The following LRPPRC variants were observed in gnomAD, a reference collection of about 807,000 sequenced individuals.
The protein encoded by LRPPRC is leucine rich pentatricopeptide repeat containing.
LRPPRC carries 120 observed loss-of-function variants against 180.3 expected under a neutral mutation model. The ratio of observed to expected loss-of-function variants is 0.67; its 90% CI spans 0.57 to 0.77. The LOEUF (loss-of-function observed/expected upper bound fraction) is 0.77, where lower values mean the gene tolerates loss of function less well. LRPPRC is among the 30% of genes least tolerant of loss of function. The pLI is 0.00. For synonymous variants in LRPPRC, 723 were observed against 600.0 expected (o/e 1.21, Z -3.00); for missense variants, 2,012 against 1,657.2 (o/e 1.21, Z -3.72).
rs58376536 is a variant in LRPPRC at position 43,969,409 on chromosome 2, C to CA, written c.1369+4197dup. On this transcript the variant is annotated intron_variant, in intron 11 of 37. Transcript: ENST00000260665. ...TGGGCGACAGAGCGAGACTCCATCT[C>CA]AAAAAAAAAAAAAAAGAAACCAAGT... Among the ~76,000 whole-genome samples the CA allele has an allele frequency of 7.9e-3, 893 of 112,988 alleles. 9 individuals carry two copies. Among genetic ancestry groups the CA allele is most frequent in the East Asian group, 0.02 (66 of 3,356 alleles). The allele number at this position is 112,988 out of a possible 152,430, so 74.1% of individuals were successfully genotyped here.
intron 25 of LRPPRC, among the ~76,000 whole-genome samples, chr2:43,926,810 A>G (rs561887317): frequency 6.6e-6 from 1 of 152,376 alleles, no homozygotes; most frequent in African/African-American, 2.4e-5. Context: ...CGTTTTTAAA[A>G]GAAAATGCTT....
At position 43,948,507 on chromosome 2, in the gene LRPPRC, A is replaced by T; in HGVS notation, c.1747T>A (p.Tyr583Asn). Residue 583 changes from tyrosine to asparagine, a missense_variant, in exon 17 of 38, where the codon TAT becomes AAT. Coordinates refer to ENST00000260665, the MANE Select transcript of LRPPRC (RefSeq NM_133259.4). ...EPRGPTEAVGYFLYNLIDSMS... is the reference protein window; with the variant it reads ...EPRGPTEAVGNFLYNLIDSMS... Reference sequence around the variant, plus strand: ...CTGTCAATCAAGTTATAAAGAAAATAGCCAACAGCTTCTGTGGAAAAAAAC... The same window carrying T: ...CTGTCAATCAAGTTATAAAGAAAATTGCCAACAGCTTCTGTGGAAAAAAAC... The T allele has an allele frequency of 6.4e-7, 1 of 1,569,440 alleles. No homozygotes were observed. The highest frequency in any genetic ancestry group is 8.8e-7 in the Non-Finnish European group (1 of 1,139,224).
rs1189909792 is a variant in LRPPRC at position 43,892,939 on chromosome 2, A to T, written c.3985+1606T>A. 5 of 152,244 alleles carry T rather than the reference A, an allele frequency of 3.3e-5. No homozygotes were observed. The South Asian group carries it at 6.2e-4, about 19-fold the overall frequency. The allele number at this position is 152,244 out of a possible 1,614,324, so 9.4% of individuals were successfully genotyped here. A position where few individuals can be genotyped will look rare whatever the true frequency, so the allele number is the denominator to read the frequency against. ...TCTAGATGCCATTAAGAACATCTGT[A>T]ATTGATAGGAGGTCAAATTATCAAC... On this transcript the variant is annotated intron_variant, in intron 36 of 37. Coordinates refer to ENST00000260665, the MANE Select transcript of LRPPRC (RefSeq NM_133259.4).
chr2:43,960,453 TG>T (rs1673297861), intron 13 of LRPPRC, 87 bp downstream of exon 13: 5 of 793,192 alleles, frequency 6.3e-6, no homozygotes, highest in Admixed American at 1.7e-5. Flanking sequence ...AAACCTTCCT[TG>T]CTTTCATTGC....
At chr2:43,974,084 T>C in intron 9 of LRPPRC, 66 bp downstream of exon 9, 1 of 1,456,736 alleles carries the variant, frequency 6.9e-7, no homozygotes, top group South Asian at 1.1e-5. Context: ...TAAATGTTCC[T>C]ATACTTTAAA....
At chr2:43,968,378 G>C (rs1345387324) in intron 11 of LRPPRC, among the ~76,000 whole-genome samples, 1 of 152,176 alleles carries the variant, frequency 6.6e-6, no homozygotes, top group Non-Finnish European at 1.5e-5. Flanking sequence ...TATGCCTATT[G>C]AATAGATGGA....
At chr2:43,966,830 C>A (rs925852646) in intron 11 of LRPPRC, among the ~76,000 whole-genome samples, 1 of 151,254 alleles carries the variant, frequency 6.6e-6, no homozygotes, top group Non-Finnish European at 1.5e-5. Flanking sequence ...GCTGGTGGAT[C>A]ACCTGAAGTC....
At chr2:43,903,875 G>A (rs775447646) in intron 31 of LRPPRC, 1 of 152,114 alleles carries the variant, frequency 6.6e-6, no homozygotes, top group African/African-American at 2.4e-5. Context: ...TATATGGCGA[G>A]CAAGTTTAAC....
Position 43,887,654 on chromosome 2 carries a change from AC to A in LRPPRC, c.*945del, listed in dbSNP as rs1670315535. ...GGTCAATATTCCATATTATTAAGAC[AC>A]CTTTTATAATGGCAAACTCTCCTGA... On this transcript the variant is annotated 3_prime_UTR_variant, in exon 38 of 38. Transcript: ENST00000260665. The A allele has an allele frequency of 6.6e-6, 1 of 152,196 alleles. No homozygotes were observed. Among genetic ancestry groups the A allele is most frequent in the South Asian group, 2.1e-4 (1 of 4,826 alleles). 9.4% of individuals were successfully genotyped at this position (152,196 alleles called of 1,614,324 possible).
intron 23 of LRPPRC, 74 bp downstream of exon 23, chr2:43,943,613 A>C: frequency 8.0e-7 from 1 of 1,247,942 alleles, no homozygotes; most frequent in Non-Finnish European, 1.2e-6. Context: ...GGGTATTTAT[A>C]AAGTATAATC....
chr2:43,976,678 A>G (rs1674069308), intron 5 of LRPPRC, among the ~76,000 whole-genome samples: 1 of 151,802 alleles, frequency 6.6e-6, no homozygotes, highest in African/African-American at 2.4e-5. Context: ...TACAGCTTAA[A>G]TGGTTAAGAA....
intron 28 of LRPPRC, 39 bp from the exon 29 acceptor site, chr2:43,918,172 A>G (rs768967449): frequency 6.3e-7 from 1 of 1,596,470 alleles, no homozygotes; most frequent in Non-Finnish European, 8.6e-7. Context: ...AAAACTGGTA[A>G]TCTTTTCAAT....
intron 30 of LRPPRC, among the ~76,000 whole-genome samples, chr2:43,908,672 C>T (rs1052702891): frequency 6.6e-6 from 1 of 151,966 alleles, no homozygotes; most frequent in Non-Finnish European, 1.5e-5. Flanking sequence ...CATACAGGCA[C>T]GCACCACCAC....
chr2:43,957,557 T>C (rs1673172452), intron 13 of LRPPRC, 106 bp from the exon 14 acceptor site: 3 of 811,434 alleles, frequency 3.7e-6, no homozygotes, highest in East Asian at 2.6e-5. Flanking sequence ...AGTTTTCATT[T>C]TGGAAATTGT....
At chr2:43,974,966 T>TA in intron 7 of LRPPRC, 125 bp downstream of exon 7, 1 of 1,052,790 alleles carries the variant, frequency 9.5e-7, no homozygotes, top group South Asian at 1.3e-5. Context: ...TCTCCATAAA[T>TA]ACTACTTTCT....
At position 43,925,937 on chromosome 2, in the gene LRPPRC, C is replaced by A. The variant is rs775312269; in HGVS notation, c.2761G>T (p.Ala921Ser). 136 of 1,611,812 alleles carry A rather than the reference C, an allele frequency of 8.4e-5. 3 individuals carry two copies. In the South Asian group the frequency reaches 1.3e-3, roughly 16 times the overall value. ...CTGTCACAAAACCACTGAAGCCTTG[C>A]AGATCGAGCTCTAATCCCTGGAGTC... Reference protein sequence around the residue: ...IETPGIRARSARLQWFCDRCV... With the variant: ...IETPGIRARSSRLQWFCDRCV... Residue 921 changes from alanine (A) to serine (S), a missense_variant, in exon 26 of 38, where the codon GCA becomes TCA. Transcript: ENST00000260665.
chr2:43,943,793 C>T lies in LRPPRC; in HGVS notation c.2398G>A (p.Gly800Ser), dbSNP rs747400412. ...AACTGTTTTACTGTTTCAATTTCACCTCTTAAAGCTGCGCCATTTAGCATG... is the reference window on the plus strand; with the variant it reads ...AACTGTTTTACTGTTTCAATTTCACTTCTTAAAGCTGCGCCATTTAGCATG... ...FHMLNGAALRGEIETVKQLHE... is the reference protein window; with the variant it reads ...FHMLNGAALRSEIETVKQLHE... The change falls in exon 23 of 38, where the codon GGT (glycine) becomes AGT (serine). Residue 800 changes from glycine to serine, a missense_variant. Gly to Ser is a moderately conservative substitution (Grantham distance 56). Coordinates refer to ENST00000260665, the MANE Select transcript of LRPPRC (RefSeq NM_133259.4). 10 of 1,613,356 alleles carry T rather than the reference C, an allele frequency of 6.2e-6. No homozygotes were observed. Among genetic ancestry groups the T allele is most frequent in the Non-Finnish European group, 8.5e-6 (10 of 1,179,478 alleles).
intron 25 of LRPPRC, among the ~76,000 whole-genome samples, chr2:43,926,320 C>A (rs1671876376): frequency 6.6e-6 from 1 of 152,026 alleles, no homozygotes; most frequent in Admixed American, 6.6e-5. Context: ...GTCTTTAGTT[C>A]AAAAATAAGC....
intron 23 of LRPPRC, among the ~76,000 whole-genome samples, chr2:43,939,411 T>G (rs981529607): frequency 6.6e-6 from 1 of 152,220 alleles, no homozygotes; most frequent in Non-Finnish European, 1.5e-5. Flanking sequence ...GCAATTTATG[T>G]AACAGGCTTC....
Sources: allele counts gnomAD v4.1 joint callset (sites outside exome capture counted in the v4.1 genomes callset), GRCh38; gene constraint gnomAD v4.1.1; transcripts MANE v1.5; gene names NCBI Gene and HGNC (gene_info 2026-07-23, HGNC 2026-07-21).